FOXP1: variants seen among roughly 807,000 people sequenced by gnomAD.
The protein encoded by FOXP1 is forkhead box protein P1.
In FOXP1, 15 loss-of-function variants were observed where a neutral mutation model predicts 98.2. The ratio of observed to expected loss-of-function variants is 0.15; its 90% CI spans 0.10 to 0.24. The LOEUF is 0.24. Ranked by LOEUF, FOXP1 falls within the 10% of genes least tolerant of loss-of-function variation. The pLI is 1.00. For missense variants in FOXP1, 633 were observed against 848.5 expected, an observed-to-expected ratio of 0.75 and a Z score of 3.15; for synonymous variants, 371 against 314.5, an observed-to-expected ratio of 1.18 and a Z score of -1.90.
intron 7 of FOXP1, among the ~76,000 whole-genome samples, chr3:71,095,444 G>T (rs1386685106): frequency 6.6e-6 from 1 of 152,186 alleles, no homozygotes; most frequent in African/African-American, 2.4e-5. Context: ...GATTCTATTT[G>T]TTAAAAGCCA....
chr3:71,082,475 A>AG (rs1237157120), intron 7 of FOXP1, among the ~76,000 whole-genome samples: 3 of 97,044 alleles, frequency 3.1e-5, no homozygotes, highest in Non-Finnish European at 6.1e-5. Flanking sequence ...GGGGCCTGTC[A>AG]GGGGGTGGGG....
chr3:71,309,390 T>A (rs146774786), intron 4 of FOXP1, among the ~76,000 whole-genome samples: 1 of 143,240 alleles, frequency 7.0e-6, no homozygotes, highest in East Asian at 1.9e-4. Flanking sequence ...GTTTATAACG[T>A]AATTTTTTTT....
At chr3:71,006,502 G>C (rs1039848780) in intron 12 of FOXP1, among the ~76,000 whole-genome samples, 26 of 152,002 alleles carry the variant, frequency 1.7e-4, no homozygotes, top group Non-Finnish European at 3.5e-4. Flanking sequence ...TTTTCTAAAA[G>C]GTTTTTAACT....
intron 4 of FOXP1, among the ~76,000 whole-genome samples, chr3:71,301,790 A>C (rs949743901): frequency 1.3e-5 from 2 of 152,188 alleles, no homozygotes; most frequent in South Asian, 4.1e-4. Context: ...CCTGCGGAAC[A>C]CTTTCAGGTA....
intron 5 of FOXP1, among the ~76,000 whole-genome samples, chr3:71,283,234 C>G (rs1037243552): frequency 2.0e-5 from 3 of 152,182 alleles, no homozygotes; most frequent in Admixed American, 1.3e-4. Context: ...TACGGACTCA[C>G]AGAGCAAACA....
At chr3:71,157,143 T>C (rs2060864882) in intron 6 of FOXP1, among the ~76,000 whole-genome samples, 1 of 152,192 alleles carries the variant, frequency 6.6e-6, no homozygotes, top group South Asian at 2.1e-4. Flanking sequence ...GATCTAACCT[T>C]GGCGGCAAAC....
chr3:71,258,976 T>A (rs546995404), intron 5 of FOXP1, among the ~76,000 whole-genome samples: 1 of 152,040 alleles, frequency 6.6e-6, no homozygotes, highest in African/African-American at 2.4e-5. Flanking sequence ...AAACCCCTTC[T>A]CTACTAAAAA....
At chr3:71,369,065 G>A (rs1360221822) in intron 3 of FOXP1, among the ~76,000 whole-genome samples, 7 of 151,848 alleles carry the variant, frequency 4.6e-5, no homozygotes, top group Non-Finnish European at 8.8e-5. Context: ...CTCCCATCTT[G>A]ACCCCATGGG....
At chr3:71,324,715 T>C (rs1334743677) in intron 4 of FOXP1, among the ~76,000 whole-genome samples, 1 of 151,966 alleles carries the variant, frequency 6.6e-6, no homozygotes, top group African/African-American at 2.4e-5. Context: ...TGTATACATA[T>C]GTAACAAACC....
chr3:71,275,718 G>A (rs886455141), intron 5 of FOXP1, among the ~76,000 whole-genome samples: 1 of 152,204 alleles, frequency 6.6e-6, no homozygotes, highest in Non-Finnish European at 1.5e-5. Context: ...ACTTAGTGGT[G>A]TATGTGAGGC....
chr3:71,112,836 C>T (rs189397586), intron 6 of FOXP1, among the ~76,000 whole-genome samples, 199 bp from the exon 7 acceptor site: 11 of 152,280 alleles, frequency 7.2e-5, no homozygotes, highest in Admixed American at 2.0e-4. Context: ...TTTGACTCGG[C>T]CAGTTTCATC....
intron 7 of FOXP1, among the ~76,000 whole-genome samples, chr3:71,084,381 C>T (rs759830872): frequency 1.3e-5 from 2 of 151,640 alleles, no homozygotes; most frequent in Non-Finnish European, 2.9e-5. Context: ...AAAACAAACT[C>T]TACAATGATT....
chr3:71,519,240 C>A (rs2042801927), intron 2 of FOXP1, among the ~76,000 whole-genome samples: 2 of 152,254 alleles, frequency 1.3e-5, no homozygotes, highest in South Asian at 2.1e-4. Context: ...AGGGAGACTG[C>A]ATCTCAAAAC....
At chr3:71,384,318 C>A (rs1436996235) in intron 3 of FOXP1, among the ~76,000 whole-genome samples, 1 of 152,188 alleles carries the variant, frequency 6.6e-6, no homozygotes, top group Admixed American at 6.5e-5. Context: ...CCCTAAACTT[C>A]CACGGTCTGT....
In FOXP1 at chr3:71,458,736, T is replaced by C. The variant is rs145595064; in HGVS notation, c.-168+34690A>G. Among the ~76,000 whole-genome samples the C allele has an allele frequency of 3.4e-3, 516 of 152,338 alleles. 3 individuals are homozygous for C. The highest frequency in any genetic ancestry group is 0.012 in the African/African-American group (489 of 41,590). ...GGAACACAAGCGTAAAGCAATCTCT[T>C]GCAATGGACCATTTTACTTATTCTG... On this transcript the variant is annotated intron_variant, in intron 3 of 20. Coordinates refer to ENST00000649528, the MANE Select transcript of FOXP1 (RefSeq NM_001349338.3).
intron 6 of FOXP1, among the ~76,000 whole-genome samples, chr3:71,159,869 GAACT>G (rs1281535574): frequency 6.6e-6 from 1 of 152,118 alleles, no homozygotes; most frequent in Non-Finnish European, 1.5e-5. Context: ...AGCAAAAGAA[GAACT>G]AATTAACACA....
intron 2 of FOXP1, among the ~76,000 whole-genome samples, chr3:71,502,559 A>T (rs887183213): frequency 6.6e-6 from 1 of 152,174 alleles, no homozygotes; most frequent in Non-Finnish European, 1.5e-5. Context: ...AAATTATATT[A>T]TTTTCATCTT....
At chr3:71,228,530 G>A (rs981010055) in intron 5 of FOXP1, among the ~76,000 whole-genome samples, 1 of 152,058 alleles carries the variant, frequency 6.6e-6, no homozygotes, top group African/African-American at 2.4e-5. Context: ...AGGAAGATGC[G>A]TCCCACTCAT....
At chr3:71,402,491 T>C (rs1433642455) in intron 3 of FOXP1, among the ~76,000 whole-genome samples, 2 of 152,198 alleles carry the variant, frequency 1.3e-5, no homozygotes, top group South Asian at 2.1e-4. Context: ...ATCTGTGGAA[T>C]GAATAAGCAC....
Sources: allele counts gnomAD v4.1 joint callset (sites outside exome capture counted in the v4.1 genomes callset), GRCh38; gene constraint gnomAD v4.1.1; transcripts MANE v1.5; gene names NCBI Gene and HGNC (gene_info 2026-07-23, HGNC 2026-07-21).